The following GPR39 variants were observed in gnomAD, a reference collection of about 807,000 sequenced individuals.
GPR39 encodes G protein-coupled receptor 39.
GPR39 carries 23 observed loss-of-function variants against 18.4 expected under a neutral mutation model. That is an observed-to-expected ratio of 1.25 (90% CI 0.90 to 1.77). The LOEUF is 1.77. GPR39 is among the 40% of genes most tolerant of loss of function. GPR39 has a pLI of 0.00. For missense variants in GPR39, 647 were observed against 602.4 expected, an observed-to-expected ratio of 1.07 and a Z score of -0.78; for synonymous variants, 280 against 257.9, an observed-to-expected ratio of 1.09 and a Z score of -0.82.
chr2:132,458,458 TTGTGTG>T (rs57137481), intron 1 of GPR39, among the ~76,000 whole-genome samples: 19,657 of 132,102 alleles, frequency 0.15, 1,535 homozygotes, highest in East Asian at 0.23. Flanking sequence ...CTCGGTGTGT[TTGTGTG>T]TGTGTGTGTG....
intron 1 of GPR39, among the ~76,000 whole-genome samples, chr2:132,478,800 C>T (rs1681177040): frequency 6.6e-6 from 1 of 152,130 alleles, no homozygotes; most frequent in African/African-American, 2.4e-5. Context: ...TGTTTCAGAA[C>T]CCAAGTGACC....
chr2:132,443,272 T>G (rs1363451817), intron 1 of GPR39, among the ~76,000 whole-genome samples: 1 of 152,224 alleles, frequency 6.6e-6, no homozygotes, highest in Non-Finnish European at 1.5e-5. Flanking sequence ...TATGAATTAT[T>G]TATGCTTTTA....
At chr2:132,580,890 A>G (rs1019922820) in intron 1 of GPR39, among the ~76,000 whole-genome samples, 9 of 149,378 alleles carry the variant, frequency 6.0e-5, no homozygotes, top group African/African-American at 1.0e-4. Flanking sequence ...TGAACCCAGG[A>G]GGCAGATGTT....
intron 1 of GPR39, among the ~76,000 whole-genome samples, chr2:132,480,777 G>A (rs978881540): frequency 7.2e-5 from 11 of 152,122 alleles, no homozygotes; most frequent in Non-Finnish European, 1.3e-4. Flanking sequence ...TTGTGCTGGA[G>A]CTGGTCTAAT....
intron 1 of GPR39, among the ~76,000 whole-genome samples, chr2:132,511,286 A>G (rs1432767966): frequency 6.6e-6 from 1 of 152,230 alleles, no homozygotes; most frequent in Non-Finnish European, 1.5e-5. Flanking sequence ...AGTTTTTCTA[A>G]CATAATTAAT....
rs977832492 is a variant in GPR39, at chr2:132,417,614, G to A, written c.572G>A (p.Cys191Tyr). The A allele has an allele frequency of 6.2e-7, 1 of 1,614,062 alleles. No individual in the cohort carries two copies. Among genetic ancestry groups the A allele is most frequent in the Admixed American group, 1.7e-5 (1 of 60,012 alleles). Residue 191 changes from cysteine to tyrosine, a missense_variant, in exon 1 of 2, where the codon TGC (cysteine) becomes TAC (tyrosine). Transcript: ENST00000329321. ...GTGCCCAGCCACCGGGGTCTCACTT[G>A]CAACCGCTCCAGCACCCGCCACCAC... Reference protein sequence around the residue: ...VNVPSHRGLTCNRSSTRHHEQ... With the variant: ...VNVPSHRGLTYNRSSTRHHEQ...
Position 132,536,764 on chromosome 2 carries a change from G to A in GPR39, c.857-108337G>A, listed in dbSNP as rs558880275. Among the ~76,000 whole-genome samples the A allele has an allele frequency of 1.6e-3, 243 of 152,198 alleles. 2 individuals carry two copies. The highest frequency in any genetic ancestry group is 4.2e-3 in the African/African-American group (173 of 41,528). On this transcript the variant is annotated intron_variant, in intron 1 of 1. Transcript: ENST00000329321. ...ATCTGGGTGCTCCTGTATTTGGTGCGTATATATTTAGGATAGTTTGCACTT... is the reference window on the plus strand; with the variant it reads ...ATCTGGGTGCTCCTGTATTTGGTGCATATATATTTAGGATAGTTTGCACTT...
intron 1 of GPR39, among the ~76,000 whole-genome samples, chr2:132,583,505 G>A (rs1178774879): frequency 1.3e-5 from 2 of 152,106 alleles, no homozygotes; most frequent in Non-Finnish European, 2.9e-5. Context: ...GAATTCAGAA[G>A]TGCTGAGTGC....
In GPR39 at chr2:132,417,194, C is replaced by T; in HGVS notation, c.152C>T (p.Thr51Ile). Reference protein sequence around the residue: ...FVMGLLGNSATIRVTQVLQKK... With the variant: ...FVMGLLGNSAIIRVTQVLQKK... Reference sequence around the variant, plus strand: ...ATGGGCCTTCTGGGGAACAGCGCCACCATTCGGGTCACCCAGGTGCTGCAG... The same window carrying T: ...ATGGGCCTTCTGGGGAACAGCGCCATCATTCGGGTCACCCAGGTGCTGCAG... The change falls in exon 1 of 2, where the codon ACC becomes ATC. Residue 51 changes from threonine (T) to isoleucine (I), a missense_variant. Coordinates refer to ENST00000329321, the MANE Select transcript of GPR39 (RefSeq NM_001508.3). The T allele has an allele frequency of 3.1e-6, 5 of 1,614,102 alleles. No individual in the cohort carries two copies. The highest frequency in any genetic ancestry group is 4.2e-6 in the Non-Finnish European group (5 of 1,180,022).
chr2:132,492,866 ATG>A (rs1370952605), intron 1 of GPR39, among the ~76,000 whole-genome samples: 744 of 142,598 alleles, frequency 5.2e-3, no homozygotes, highest in African/African-American at 0.012. Flanking sequence ...TATACCATAT[ATG>A]TACACCATAT....
chr2:132,437,779 G>A (rs2104762958), intron 1 of GPR39, among the ~76,000 whole-genome samples: 1 of 152,290 alleles, frequency 6.6e-6, no homozygotes, highest in South Asian at 2.1e-4. Context: ...GGGAAGGAAG[G>A]CTGACATGTC....
chr2:132,432,808 C>A (rs1214345651), intron 1 of GPR39, among the ~76,000 whole-genome samples: 1 of 152,118 alleles, frequency 6.6e-6, no homozygotes, highest in Non-Finnish European at 1.5e-5. Context: ...TGTGACTTGA[C>A]AAATTACTCA....
rs1431300618 is a variant in GPR39 at position 132,530,097 on chromosome 2, A to T, written c.856+112199A>T. Among the ~76,000 whole-genome samples, 4 of 151,996 alleles carry T rather than the reference A, an allele frequency of 2.6e-5. No individual in the cohort carries two copies. In the East Asian group the frequency reaches 7.7e-4, roughly 29 times the overall value. Reference sequence around the variant, plus strand: ...TCGAACCAATGGCAAAGAAGTTAAAAACCTTAAAAAAAAAAATTAGACGAA... The same window carrying T: ...TCGAACCAATGGCAAAGAAGTTAAATACCTTAAAAAAAAAAATTAGACGAA... On this transcript the variant is annotated intron_variant, in intron 1 of 1. Transcript: ENST00000329321.
rs187769678 is a variant in GPR39, at chr2:132,448,297, G to A, written c.856+30399G>A. On this transcript the variant is annotated intron_variant, in intron 1 of 1. Transcript: ENST00000329321. ...CATGTATGTAGACAGTAAGCTGTGT[G>A]GGGTGTGGATAGTTTTGGTTCTCAC... 1.8e-3 allele frequency among the ~76,000 whole-genome samples: 272 copies of A among 152,288 alleles called. 1 individual carries two copies. The highest frequency in any genetic ancestry group is 5.9e-3 in the African/African-American group (244 of 41,564).
At chr2:132,547,046 T>C (rs1573659296) in intron 1 of GPR39, among the ~76,000 whole-genome samples, 1 of 151,938 alleles carries the variant, frequency 6.6e-6, no homozygotes, top group Non-Finnish European at 1.5e-5. Context: ...TTTCCTATTT[T>C]CCGTTGCCTC....
chr2:132,457,425 G>A (rs573194381), intron 1 of GPR39, among the ~76,000 whole-genome samples: 93 of 152,236 alleles, frequency 6.1e-4, no homozygotes, highest in African/African-American at 2.2e-3. Flanking sequence ...GGGTTCGAAT[G>A]TCCTCCTTTA....
At chr2:132,556,238 A>G (rs1266436155) in intron 1 of GPR39, among the ~76,000 whole-genome samples, 1 of 152,140 alleles carries the variant, frequency 6.6e-6, no homozygotes, top group Admixed American at 6.5e-5. Flanking sequence ...AGTTTATGTA[A>G]ATGTACGAAT....
intron 1 of GPR39, among the ~76,000 whole-genome samples, chr2:132,474,370 G>T (rs866711458): frequency 2.0e-5 from 3 of 152,174 alleles, no homozygotes; most frequent in South Asian, 2.1e-4. Context: ...TTGAGTAGGG[G>T]TGCACAAGCC....
At chr2:132,549,328 A>G (rs1680000825) in intron 1 of GPR39, among the ~76,000 whole-genome samples, 1 of 152,222 alleles carries the variant, frequency 6.6e-6, no homozygotes. Flanking sequence ...AGGGAGGTCT[A>G]CTGTGTCGAT....
Sources: gnomAD v4.1 joint callset for allele counts (sites outside exome capture counted in the v4.1 genomes callset) on GRCh38, gnomAD v4.1.1 for gene constraint, MANE v1.5 for transcripts, NCBI Gene and HGNC (gene_info 2026-07-23, HGNC 2026-07-21) for gene names.